Variants in PPP4R1 observed in about 807,000 individuals in gnomAD.
PPP4R1 encodes protein phosphatase 4 regulatory subunit 1.
PPP4R1 carries 42 observed loss-of-function variants against 111.2 expected under a neutral mutation model. The observed-to-expected ratio is 0.38, with a 90% confidence interval of 0.29 to 0.49. PPP4R1 has a LOEUF of 0.49. Ranked by LOEUF, PPP4R1 falls within the 20% of genes least tolerant of loss-of-function variation. PPP4R1 has a pLI of 0.97. For missense variants in PPP4R1, 1,012 were observed against 1,161.6 expected (o/e 0.87, Z 1.87); for synonymous variants, 409 against 405.5 (o/e 1.01, Z -0.10).
chr18:9,568,201 C>CT (rs2066801106), intron 11 of PPP4R1, among the ~76,000 whole-genome samples: 1 of 152,032 alleles, frequency 6.6e-6, no homozygotes, highest in African/African-American at 2.4e-5. Context: ...TATTCAAAAT[C>CT]TTTTTAGAGA....
intron 15 of PPP4R1, among the ~76,000 whole-genome samples, chr18:9,553,718 A>T (rs1474254182): frequency 6.6e-6 from 1 of 152,182 alleles, no homozygotes; most frequent in Non-Finnish European, 1.5e-5. Context: ...TGCCCCCTTT[A>T]TTCATATGAC....
At position 9,584,790 on chromosome 18, in the gene PPP4R1, A is replaced by G. The variant is rs757165796; in HGVS notation, c.624T>C (p.Ile208=). Residue 208 remains isoleucine (I), a synonymous_variant, in exon 7 of 20, where the codon ATT becomes ATC. Coordinates refer to ENST00000400556, the MANE Select transcript of PPP4R1 (RefSeq NM_001042388.3). ...ACCTAGGGAGGATAAGACGCTCTGT[A>G]ATATCCTTCCCAACCATGGGAGCCA... ...CKMAPMVGKD[I]TERLILPRFC... is the part of the protein sequence containing the mutation. 135 of 1,613,386 alleles carry G rather than the reference A, an allele frequency of 8.4e-5. No individual in the cohort carries two copies. The highest frequency in any genetic ancestry group is 1.1e-4 in the Non-Finnish European group (131 of 1,179,600).
At chr18:9,582,141 T>C (rs2067039749) in intron 9 of PPP4R1, among the ~76,000 whole-genome samples, 1 of 151,306 alleles carries the variant, frequency 6.6e-6, no homozygotes, top group South Asian at 2.1e-4. Flanking sequence ...CTAAAGACAC[T>C]GGAAAAAGAA....
At chr18:9,563,291 A>C in intron 12 of PPP4R1, 87 bp downstream of exon 12, 1 of 1,409,600 alleles carries the variant, frequency 7.1e-7, no homozygotes, top group Non-Finnish European at 9.5e-7. Context: ...CATACAAACT[A>C]AAAGTGATTA....
intron 9 of PPP4R1, among the ~76,000 whole-genome samples, chr18:9,579,583 G>A (rs1234789152): frequency 1.3e-5 from 2 of 151,102 alleles, no homozygotes; most frequent in African/African-American, 2.4e-5. Context: ...TCTCAGACAG[G>A]TGCAGCATAT....
chr18:9,566,821 T>C (rs2066775294), intron 11 of PPP4R1, among the ~76,000 whole-genome samples: 1 of 152,216 alleles, frequency 6.6e-6, no homozygotes, highest in Non-Finnish European at 1.5e-5. Flanking sequence ...CAGCAAGGTT[T>C]GCCGAGTACT....
In PPP4R1 at chr18:9,605,566, CAAAAAAAAA is replaced by C. The variant is rs34208690; in HGVS notation, c.52+8651_52+8659del. Among the ~76,000 whole-genome samples the C allele has an allele frequency of 8.3e-3, 562 of 67,656 alleles. 1 individual carries two copies. The highest frequency in any genetic ancestry group is 0.012 in the Non-Finnish European group (418 of 35,658). 44.4% of individuals were successfully genotyped at this position (67,656 alleles called of 152,430 possible). ...ACTATCACTTATGTAGCAGTCCTGT[CAAAAAAAAA>C]AAAAAAAAAAAAAAAAAAAAGGAAA... On this transcript the variant is annotated intron_variant, in intron 2 of 19. Coordinates refer to ENST00000400556, the MANE Select transcript of PPP4R1 (RefSeq NM_001042388.3).
rs757465767 is a variant in PPP4R1 at position 9,557,312 on chromosome 18, G to C, written c.2099C>G (p.Ala700Gly). 7 of 1,613,006 alleles carry C rather than the reference G, an allele frequency of 4.3e-6. No individual in the cohort carries two copies. In the South Asian group the frequency reaches 7.7e-5, roughly 18 times the overall value. Residue 700 changes from alanine (A) to glycine (G), a missense_variant, in exon 15 of 20, where the codon GCT becomes GGT. Transcript: ENST00000400556. ...LAVILGDQLT[A>G]ADLVPIFNGF... ...ATTAAAAATTGGAACCAGATCTGCA[G>C]CTGTCAATTGATCTCCAAGAATAAC...
rs1365631596 is a variant in PPP4R1, at chr18:9,558,212, TA to T, written c.2029-831del. ...TTCCCCCCAGAATCCACTCTTGAAA[TA>T]AAATTTTACGCCCAAGTTCAACATA... On this transcript the variant is annotated intron_variant, in intron 14 of 19. Transcript: ENST00000400556. Among the ~76,000 whole-genome samples the T allele has an allele frequency of 6.6e-5, 10 of 152,118 alleles. No individual in the cohort carries two copies. The East Asian group carries it at 1.7e-3, about 26-fold the overall frequency.
chr18:9,587,615 A>G (rs1022289680), intron 6 of PPP4R1: 1 of 152,610 alleles, frequency 6.6e-6, no homozygotes, highest in African/African-American at 2.4e-5. Context: ...CATGTTGGCC[A>G]GGCTGATCTC....
chr18:9,579,517 C>CGTGTGTGTGTGTGT lies in PPP4R1; in HGVS notation c.919-2340_919-2327dup, dbSNP rs3974278. ...CACCTAAATAGGCATAGGATTTACA[C>CGTGTGTGTGTGTGT]GTGTGTGTGTGTGTGTGTGTGTGTG... On this transcript the variant is annotated intron_variant, in intron 9 of 19. Coordinates refer to ENST00000400556, the MANE Select transcript of PPP4R1 (RefSeq NM_001042388.3). Among the ~76,000 whole-genome samples, 277 of 147,868 alleles carry CGTGTGTGTGTGTGT rather than the reference C, an allele frequency of 1.9e-3. 2 individuals carry two copies. Among genetic ancestry groups the CGTGTGTGTGTGTGT allele is most frequent in the African/African-American group, 6.6e-3 (265 of 40,024 alleles).
At chr18:9,603,309 A>C (rs1470767093) in intron 2 of PPP4R1, among the ~76,000 whole-genome samples, 1 of 152,036 alleles carries the variant, frequency 6.6e-6, no homozygotes, top group Non-Finnish European at 1.5e-5. Flanking sequence ...CATTCTAAGC[A>C]ATAGATTATA....
chr18:9,591,347 C>CAA (rs34252752), intron 4 of PPP4R1, among the ~76,000 whole-genome samples: 18 of 148,592 alleles, frequency 1.2e-4, no homozygotes, highest in Admixed American at 1.3e-4. Context: ...ACTCCATCTC[C>CAA]AAAAAAAAAA....
intron 13 of PPP4R1, among the ~76,000 whole-genome samples, chr18:9,561,726 A>G (rs1291301559): frequency 2.0e-5 from 3 of 152,204 alleles, no homozygotes; most frequent in Non-Finnish European, 2.9e-5. Flanking sequence ...GCCCATGAAA[A>G]TACATGAAGG....
At chr18:9,552,131 G>C (rs760366290) in intron 16 of PPP4R1, among the ~76,000 whole-genome samples, 39 of 152,158 alleles carry the variant, frequency 2.6e-4, no homozygotes, top group Non-Finnish European at 1.8e-4. Flanking sequence ...ACTCAGCAAA[G>C]ACATCATTTG....
At chr18:9,551,664 G>GC (rs1445093711) in intron 16 of PPP4R1, 17 of 152,378 alleles carry the variant, frequency 1.1e-4, no homozygotes, top group South Asian at 2.1e-4. Context: ...TGGTGGAGGG[G>GC]CCCCAAAGCC....
chr18:9,564,734 GT>G (rs2066736665), intron 11 of PPP4R1, among the ~76,000 whole-genome samples: 1 of 29,236 alleles, frequency 3.4e-5, no homozygotes, highest in African/African-American at 1.1e-4. Context: ...GTGTGTGTGT[GT>G]GTGGGGGTAT....
At chr18:9,561,409 CT>C (rs2145049512) in intron 13 of PPP4R1, among the ~76,000 whole-genome samples, 1 of 152,124 alleles carries the variant, frequency 6.6e-6, no homozygotes, top group African/African-American at 2.4e-5. Flanking sequence ...CTGTGCTGTG[CT>C]GCTGTGAAGG....
Position 9,552,564 on chromosome 18 carries a change from T to C in PPP4R1, c.2291+758A>G, listed in dbSNP as rs191694455. ...AGAAACTGGAACTCCCATACATTGC[T>C]GATGGGAATGTAAAATGGTATAGCT... On this transcript the variant is annotated intron_variant, in intron 16 of 19. Transcript: ENST00000400556. Among the ~76,000 whole-genome samples the C allele has an allele frequency of 4.6e-5, 7 of 152,364 alleles. No homozygotes were observed. In the East Asian group the frequency reaches 1.3e-3, roughly 29 times the overall value.
Sources: allele counts gnomAD v4.1 joint callset (sites outside exome capture counted in the v4.1 genomes callset), GRCh38; gene constraint gnomAD v4.1.1; transcripts MANE v1.5; gene names NCBI Gene and HGNC (gene_info 2026-07-23, HGNC 2026-07-21).